KLF12: variants seen among roughly 807,000 people sequenced by gnomAD.
KLF12 encodes Krueppel-like factor 12.
In KLF12, 9 loss-of-function variants were observed where a neutral mutation model predicts 37.8. The ratio of observed to expected loss-of-function variants is 0.24; its 90% CI spans 0.14 to 0.42. The LOEUF is 0.42. KLF12 is among the 10% of genes least tolerant of loss of function. The pLI, the probability that KLF12 is intolerant of heterozygous loss-of-function variation, is 1.00. For missense variants in KLF12, 411 were observed against 516.0 expected (o/e 0.80, Z 1.97); for synonymous variants, 208 against 202.1 (o/e 1.03, Z -0.25).
At chr13:74,138,011 C>A (rs1181186390), upstream of KLF12, among the ~76,000 whole-genome samples, 1 of 152,220 alleles carries the variant, frequency 6.6e-6, no homozygotes, top group East Asian at 1.9e-4. Context: ...CCGCCTGGGC[C>A]TCCCAAAGTG....
the KLF12 span, among the ~76,000 whole-genome samples, chr13:74,268,217 T>G: frequency 3.9e-5 from 6 of 152,146 alleles, no homozygotes; most frequent in African/African-American, 1.4e-4. Flanking sequence ...ATTTTTCCAG[T>G]AGAATTATTA....
chr13:73,989,223 A>T (rs1395066164), intron 2 of KLF12, among the ~76,000 whole-genome samples: 1 of 152,230 alleles, frequency 6.6e-6, no homozygotes, highest in Non-Finnish European at 1.5e-5. Flanking sequence ...TAAAAGTCAC[A>T]AACTCAAATT....
At position 73,994,990 on chromosome 13, in the gene KLF12, C is replaced by T. The variant is rs753557110; in HGVS notation, c.33G>A (p.Lys11=). 10 of 1,594,064 alleles carry T rather than the reference C, an allele frequency of 6.3e-6. No homozygotes were observed. The Admixed American group carries it at 1.0e-4, about 16-fold the overall frequency. ...CAATTTTAACATCTGACTAACCAAC[C>T]TTTATTGTTTTTCTCTTCATATGGA... The change falls in exon 2 of 8, where the codon AAG becomes AAA. Residue 11 remains lysine, a splice_region_variant and synonymous_variant. Coordinates refer to ENST00000377669, the MANE Select transcript of KLF12 (RefSeq NM_007249.5).
the KLF12 span, among the ~76,000 whole-genome samples, chr13:74,186,460 GGA>G: frequency 2.6e-5 from 4 of 152,110 alleles, no homozygotes; most frequent in Non-Finnish European, 5.9e-5. Context: ...CAGTAGCCCA[GGA>G]ACTTTGGACA....
At chr13:74,038,636 T>C (rs1230284979) in intron 1 of KLF12, among the ~76,000 whole-genome samples, 1 of 152,224 alleles carries the variant, frequency 6.6e-6, no homozygotes, top group Non-Finnish European at 1.5e-5. Flanking sequence ...TAGTATAAAA[T>C]GAACATATTA....
chr13:73,857,447 T>A (rs1240144942), intron 3 of KLF12, among the ~76,000 whole-genome samples: 1 of 152,210 alleles, frequency 6.6e-6, no homozygotes, highest in Admixed American at 6.5e-5. Context: ...TATGTTAAAA[T>A]TTATATATTT....
the KLF12 span, among the ~76,000 whole-genome samples, chr13:74,269,719 A>G: frequency 6.6e-6 from 1 of 152,158 alleles, no homozygotes; most frequent in Non-Finnish European, 1.5e-5. Flanking sequence ...TAGGAATTCT[A>G]TTATTTCAAG....
At chr13:73,736,665 G>A (rs551968505) in intron 6 of KLF12, among the ~76,000 whole-genome samples, 1 of 152,220 alleles carries the variant, frequency 6.6e-6, no homozygotes, top group South Asian at 2.1e-4. Context: ...TGCATATTTC[G>A]GCTTCCAAAT....
intron 1 of KLF12, among the ~76,000 whole-genome samples, chr13:74,021,542 C>T (rs1460039721): frequency 3.3e-5 from 5 of 152,108 alleles, no homozygotes; most frequent in Admixed American, 3.3e-4. Context: ...AGGAGGGTTG[C>T]ATCTGGCTAG....
intron 3 of KLF12, among the ~76,000 whole-genome samples, chr13:73,853,060 G>C (rs1020306695): frequency 6.6e-6 from 1 of 151,800 alleles, no homozygotes; most frequent in Non-Finnish European, 1.5e-5. Flanking sequence ...GTAGAGATAG[G>C]GTTTCACCGT....
chr13:73,842,714 C>T (rs1323325483), intron 4 of KLF12, among the ~76,000 whole-genome samples: 8 of 152,176 alleles, frequency 5.3e-5, no homozygotes, highest in African/African-American at 1.9e-4. Context: ...TTTTGAAAAT[C>T]CAACTTCCCT....
At chr13:74,193,314 C>T in the KLF12 span, among the ~76,000 whole-genome samples, 4 of 152,122 alleles carry the variant, frequency 2.6e-5, no homozygotes, top group Non-Finnish European at 4.4e-5. Context: ...TGGAAGAAAA[C>T]CACTGGGCTA....
chr13:73,789,182 G>T (rs948260835), intron 5 of KLF12, among the ~76,000 whole-genome samples: 2 of 152,098 alleles, frequency 1.3e-5, no homozygotes, highest in South Asian at 2.1e-4. Context: ...AAATACTTTC[G>T]ATTGTTGGTC....
At chr13:74,002,750 C>G (rs1396935854) in intron 1 of KLF12, among the ~76,000 whole-genome samples, 1 of 152,220 alleles carries the variant, frequency 6.6e-6, no homozygotes, top group African/African-American at 2.4e-5. Context: ...CAACCATATT[C>G]TAGCAACTGC....
chr13:73,945,096 GAA>G (rs934311315), intron 2 of KLF12, among the ~76,000 whole-genome samples: 1 of 152,178 alleles, frequency 6.6e-6, no homozygotes, highest in Non-Finnish European at 1.5e-5. Flanking sequence ...CCTACCTGGT[GAA>G]AAAGATAAGT....
chr13:73,900,644 T>C (rs980804888), intron 3 of KLF12, among the ~76,000 whole-genome samples: 4 of 151,904 alleles, frequency 2.6e-5, no homozygotes, highest in African/African-American at 9.7e-5. Context: ...AAAAAAAAAC[T>C]AATCGTGCAT....
chr13:74,305,128 A>G, the KLF12 span, among the ~76,000 whole-genome samples: 1 of 152,052 alleles, frequency 6.6e-6, no homozygotes, highest in Non-Finnish European at 1.5e-5. Context: ...TAAATCTTGA[A>G]TTATCTGGAT....
intron 1 of KLF12, among the ~76,000 whole-genome samples, chr13:74,067,122 A>C (rs1228308601): frequency 6.6e-6 from 1 of 152,228 alleles, no homozygotes; most frequent in African/African-American, 2.4e-5. Flanking sequence ...CAAACTAATA[A>C]TCAGGCCTGC....
the KLF12 span, among the ~76,000 whole-genome samples, chr13:74,179,531 T>TG: frequency 6.6e-6 from 1 of 152,190 alleles, no homozygotes; most frequent in Admixed American, 6.5e-5. Flanking sequence ...TGCCTGGAGA[T>TG]GTACTGAAAA....
Sources: gnomAD v4.1 joint callset for allele counts (sites outside exome capture counted in the v4.1 genomes callset) on GRCh38, gnomAD v4.1.1 for gene constraint, MANE v1.5 for transcripts, NCBI Gene and HGNC (gene_info 2026-07-23, HGNC 2026-07-21) for gene names.